The following SYTL3 variants were observed in gnomAD, a reference collection of about 807,000 sequenced individuals.
SYTL3 encodes the protein synaptotagmin-like protein 3.
A neutral mutation model predicts 82.1 loss-of-function variants in SYTL3; 88 were observed. The ratio of observed to expected loss-of-function variants is 1.07; its 90% CI spans 0.90 to 1.28. SYTL3 has a LOEUF of 1.28. Among genes scored for constraint, SYTL3 ranks in the 50% most tolerant of loss-of-function variants. The probability of loss-of-function intolerance (pLI) is 0.00; values close to 1 mark genes in which losing one functional copy is unlikely to be tolerated. For synonymous variants in SYTL3, 311 were observed against 289.4 expected, an observed-to-expected ratio of 1.07 and a Z score of -0.76; for missense variants, 831 against 757.6, an observed-to-expected ratio of 1.10 and a Z score of -1.14.
intron 4 of SYTL3, chr6:158,663,590 G>A (rs1789633854): frequency 1.0e-5 from 10 of 985,202 alleles, no homozygotes; most frequent in African/African-American, 3.5e-5. Flanking sequence ...GAGGGAGGCC[G>A]CTCTTGTTAT....
chr6:158,697,277 G>GAAA (rs35335929), intron 6 of SYTL3, among the ~76,000 whole-genome samples: 4 of 94,488 alleles, frequency 4.2e-5, no homozygotes, highest in Admixed American at 2.5e-4. Context: ...CATCTCTACG[G>GAAA]AAAAAAAAAA....
At chr6:158,763,661 C>T (rs1790317267) in intron 17 of SYTL3, 152 bp downstream of exon 17, 3 of 662,780 alleles carry the variant, frequency 4.5e-6, no homozygotes, top group African/African-American at 1.8e-5. Context: ...CTAGTTTTTA[C>T]TCTACAGCTG....
At chr6:158,757,089 TG>T in intron 13 of SYTL3, 121 bp from the exon 14 acceptor site, 1 of 813,916 alleles carries the variant, frequency 1.2e-6, no homozygotes, top group Non-Finnish European at 1.7e-6. Flanking sequence ...ACTCAGCCTG[TG>T]GGAGGGAGGC....
At chr6:158,758,875 G>A (rs1583508195) in intron 14 of SYTL3, among the ~76,000 whole-genome samples, 1 of 152,106 alleles carries the variant, frequency 6.6e-6, no homozygotes, top group Non-Finnish European at 1.5e-5. Flanking sequence ...CTGCCATCTC[G>A]GCCTGATCTT....
At chr6:158,668,289 G>T (rs993282177) in intron 5 of SYTL3, among the ~76,000 whole-genome samples, 1 of 152,120 alleles carries the variant, frequency 6.6e-6, no homozygotes. Context: ...GAGTGCAGTG[G>T]TGTGATCTCG....
intron 11 of SYTL3, 51 bp from the exon 12 acceptor site, chr6:158,745,429 A>C (rs772946593): frequency 1.3e-5 from 20 of 1,511,032 alleles, no homozygotes; most frequent in Non-Finnish European, 9.0e-7. Context: ...AGAACATCAA[A>C]AAAGTGAATT....
At chr6:158,759,372 G>C (rs560503520) in intron 14 of SYTL3, among the ~76,000 whole-genome samples, 101 of 135,172 alleles carry the variant, frequency 7.5e-4, no homozygotes, top group Admixed American at 1.5e-3. Context: ...TGGCACCCGA[G>C]GGCCAGGAAG....
chr6:158,690,737 T>C (rs1286876899), intron 6 of SYTL3, among the ~76,000 whole-genome samples: 2 of 152,228 alleles, frequency 1.3e-5, no homozygotes, highest in African/African-American at 4.8e-5. Context: ...TCCCCTAAAA[T>C]TTCATAACTG....
intron 10 of SYTL3, among the ~76,000 whole-genome samples, chr6:158,721,077 G>A (rs1198971150): frequency 1.3e-5 from 2 of 152,204 alleles, no homozygotes; most frequent in Non-Finnish European, 2.9e-5. Flanking sequence ...AGACGGTGGG[G>A]AGACAGTGGG....
intron 11 of SYTL3, among the ~76,000 whole-genome samples, chr6:158,744,300 C>CTTTTTTT (rs1787322577): frequency 1.3e-5 from 1 of 79,654 alleles, no homozygotes. Flanking sequence ...TTTTCTTTTT[C>CTTTTTTT]TTTCTTTTTT....
At position 158,757,286 on chromosome 6, in the gene SYTL3, A is replaced by G. The variant is rs1228273180; in HGVS notation, c.1213A>G (p.Arg405Gly). ...SVWHLGTLAR[R>G]VFLGEVIIPL... ...GTGGCATCTGGGCACGCTGGCCCGG[A>G]GAGTGTTTCTTGGAGAAGTGATCAT... Residue 405 changes from arginine to glycine, a missense_variant, in exon 14 of 18, where the codon AGA (arginine) becomes GGA (glycine). Arg to Gly is a moderately radical substitution (Grantham distance 125). Coordinates refer to ENST00000611299, the MANE Select transcript of SYTL3 (RefSeq NM_001242394.2). 4 of 1,613,442 alleles carry G rather than the reference A, an allele frequency of 2.5e-6. No individual in the cohort carries two copies. The highest frequency in any genetic ancestry group is 3.4e-6 in the Non-Finnish European group (4 of 1,179,924).
At chr6:158,646,498 C>T (rs1051273097), upstream of SYTL3, among the ~76,000 whole-genome samples, 1 of 152,226 alleles carries the variant, frequency 6.6e-6, no homozygotes, top group Non-Finnish European at 1.5e-5. Flanking sequence ...TCATTTCCCT[C>T]ATGGGTGTTA....
intron 10 of SYTL3, among the ~76,000 whole-genome samples, chr6:158,723,342 C>T (rs1784353186): frequency 6.6e-6 from 1 of 152,062 alleles, no homozygotes; most frequent in South Asian, 2.1e-4. Context: ...TCCCAAAGTG[C>T]TAGGATTACA....
At chr6:158,716,005 G>C (rs892262081) in intron 9 of SYTL3, among the ~76,000 whole-genome samples, 10 of 152,312 alleles carry the variant, frequency 6.6e-5, no homozygotes, top group Admixed American at 6.5e-4. Flanking sequence ...CACTGGCCCA[G>C]GTGCTGAAGG....
chr6:158,658,183 C>T (rs886649399), intron 2 of SYTL3, among the ~76,000 whole-genome samples: 6 of 152,226 alleles, frequency 3.9e-5, no homozygotes, highest in Non-Finnish European at 5.9e-5. Flanking sequence ...TGAGCCACCA[C>T]GCCCGGCCCA....
intron 8 of SYTL3, among the ~76,000 whole-genome samples, chr6:158,708,713 C>A (rs1036973193): frequency 9.2e-5 from 14 of 151,656 alleles, no homozygotes; most frequent in Non-Finnish European, 1.9e-4. Context: ...TCTCTGGGGT[C>A]TAAGGGGAAA....
intron 11 of SYTL3, among the ~76,000 whole-genome samples, chr6:158,742,662 G>A (rs1787089503): frequency 6.6e-6 from 1 of 150,462 alleles, no homozygotes; most frequent in Non-Finnish European, 1.5e-5. Context: ...TACAACCTCC[G>A]CCTCCTGGAT....
At chr6:158,667,340 G>C (rs1421828061) in intron 5 of SYTL3, among the ~76,000 whole-genome samples, 1 of 152,152 alleles carries the variant, frequency 6.6e-6, no homozygotes, top group African/African-American at 2.4e-5. Context: ...TTTGAAATGA[G>C]GTTGGTTTTC....
intron 10 of SYTL3, among the ~76,000 whole-genome samples, chr6:158,724,260 A>G (rs1295980552): frequency 6.6e-6 from 1 of 152,212 alleles, no homozygotes; most frequent in African/African-American, 2.4e-5. Context: ...CTGTGAATAT[A>G]GTGTTGCTTA....
Sources: allele counts gnomAD v4.1 joint callset (sites outside exome capture counted in the v4.1 genomes callset), GRCh38; gene constraint gnomAD v4.1.1; transcripts MANE v1.5; gene names NCBI Gene and HGNC (gene_info 2026-07-23, HGNC 2026-07-21).